Variants in ATRNL1 observed in about 807,000 individuals in gnomAD.
The protein encoded by ATRNL1 is attractin-like protein 1.
Under a neutral mutation model 182.7 loss-of-function variants are expected in ATRNL1, and 95 were observed. That is an observed-to-expected ratio of 0.52 (90% CI 0.44 to 0.62). The LOEUF (loss-of-function observed/expected upper bound fraction) is 0.62, where lower values mean the gene tolerates loss of function less well. ATRNL1 is among the 20% of genes least tolerant of loss of function. The pLI is 0.00. For synonymous variants in ATRNL1, 576 were observed against 568.3 expected, an observed-to-expected ratio of 1.01 and a Z score of -0.19; for missense variants, 1,471 against 1,679.5, an observed-to-expected ratio of 0.88 and a Z score of 2.17.
intron 26 of ATRNL1, among the ~76,000 whole-genome samples, chr10:115,692,244 A>G (rs1487533286): frequency 6.6e-6 from 1 of 152,202 alleles, no homozygotes; most frequent in Non-Finnish European, 1.5e-5. Context: ...TGTGAAGCTA[A>G]TAGGTGCCTG....
chr10:115,569,703 A>T (rs1216215341), intron 26 of ATRNL1, among the ~76,000 whole-genome samples: 1 of 151,826 alleles, frequency 6.6e-6, no homozygotes, highest in Non-Finnish European at 1.5e-5. Context: ...TTTAACCTTG[A>T]GTAGGATAAC....
At chr10:115,624,399 A>T (rs1164113001) in intron 26 of ATRNL1, among the ~76,000 whole-genome samples, 1 of 152,186 alleles carries the variant, frequency 6.6e-6, no homozygotes, top group African/African-American at 2.4e-5. Flanking sequence ...AGTCAGCAAT[A>T]AACATATATG....
intron 1 of ATRNL1, among the ~76,000 whole-genome samples, chr10:115,116,475 T>A (rs1438298371): frequency 6.6e-6 from 1 of 152,000 alleles, no homozygotes; most frequent in African/African-American, 2.4e-5. Context: ...TAGGTGTTTA[T>A]GGTTAGAGTA....
intron 27 of ATRNL1, among the ~76,000 whole-genome samples, chr10:115,807,994 G>A (rs1949961268): frequency 6.6e-6 from 1 of 152,144 alleles, no homozygotes; most frequent in Non-Finnish European, 1.5e-5. Context: ...TTCTTTTTGT[G>A]TGTATGTGAA....
intron 27 of ATRNL1, among the ~76,000 whole-genome samples, chr10:115,847,439 C>A (rs1950954806): frequency 6.6e-6 from 1 of 152,036 alleles, no homozygotes; most frequent in Non-Finnish European, 1.5e-5. Flanking sequence ...GTAATTATTT[C>A]ACTATGTATA....
intron 5 of ATRNL1, among the ~76,000 whole-genome samples, chr10:115,149,378 T>A (rs116211164): frequency 0.025 from 3,780 of 152,238 alleles, 157 homozygotes; most frequent in African/African-American, 0.086. Context: ...GCTGTTTTTT[T>A]TTAAAAGGAA....
chr10:115,383,578 A>G (rs1012977785), intron 19 of ATRNL1, among the ~76,000 whole-genome samples: 18 of 151,948 alleles, frequency 1.2e-4, no homozygotes, highest in Non-Finnish European at 7.4e-5. Context: ...CAGTTGTGCT[A>G]TTGGCATAAG....
chr10:115,296,330 A>T (rs1332374663), intron 15 of ATRNL1, among the ~76,000 whole-genome samples: 2 of 152,106 alleles, frequency 1.3e-5, no homozygotes, highest in African/African-American at 4.8e-5. Context: ...TCGACACTCC[A>T]GTCAAAGCAT....
intron 28 of ATRNL1, among the ~76,000 whole-genome samples, chr10:115,871,164 C>G (rs1337525082): frequency 6.6e-6 from 1 of 151,862 alleles, no homozygotes; most frequent in East Asian, 1.9e-4. Flanking sequence ...TTTTGGATCT[C>G]TCAGACATAT....
At chr10:115,094,141 C>T (rs1464606109) in intron 1 of ATRNL1, 98 bp downstream of exon 1, 6 of 1,183,480 alleles carry the variant, frequency 5.1e-6, no homozygotes, top group Non-Finnish European at 6.5e-6. Flanking sequence ...CCGTCGCTGC[C>T]TCTGATCCCC....
chr10:115,623,236 G>A (rs1172014317), intron 26 of ATRNL1, among the ~76,000 whole-genome samples: 1 of 152,118 alleles, frequency 6.6e-6, no homozygotes, highest in Non-Finnish European at 1.5e-5. Context: ...AACTATATAT[G>A]ACACCGAAAA....
intron 22 of ATRNL1, among the ~76,000 whole-genome samples, chr10:115,463,173 A>G (rs1240659900): frequency 6.6e-6 from 1 of 151,924 alleles, no homozygotes; most frequent in Non-Finnish European, 1.5e-5. Context: ...AACGTAGTTC[A>G]CTGGACTTGC....
chr10:115,715,498 A>T (rs1555055999), intron 26 of ATRNL1, among the ~76,000 whole-genome samples: 1 of 152,138 alleles, frequency 6.6e-6, no homozygotes, highest in East Asian at 1.9e-4. Flanking sequence ...TATGATTTTT[A>T]TTGAATTACT....
chr10:115,198,804 T>A (rs1554891653), intron 8 of ATRNL1, among the ~76,000 whole-genome samples: 1 of 152,178 alleles, frequency 6.6e-6, no homozygotes, highest in East Asian at 1.9e-4. Context: ...CATCAAAAGT[T>A]AATTGACTAT....
At chr10:115,652,038 A>G (rs993602946) in intron 26 of ATRNL1, among the ~76,000 whole-genome samples, 2 of 152,126 alleles carry the variant, frequency 1.3e-5, no homozygotes, top group African/African-American at 4.8e-5. Flanking sequence ...ACATTAAATG[A>G]CCATTTTGTT....
chr10:115,384,968 A>C (rs1013997458), intron 19 of ATRNL1, among the ~76,000 whole-genome samples: 3 of 151,090 alleles, frequency 2.0e-5, no homozygotes, highest in Admixed American at 2.0e-4. Flanking sequence ...TAATATTGTT[A>C]CTTACAATAT....
chr10:115,406,731 C>A (rs536942504), intron 20 of ATRNL1, among the ~76,000 whole-genome samples: 2 of 152,188 alleles, frequency 1.3e-5, no homozygotes, highest in East Asian at 3.9e-4. Flanking sequence ...TCTCCTTAAT[C>A]ATTTTTAGTA....
intron 11 of ATRNL1, 24 bp from the exon 12 acceptor site, chr10:115,266,773 A>C: frequency 7.0e-7 from 1 of 1,429,066 alleles, no homozygotes; most frequent in Non-Finnish European, 9.6e-7. Flanking sequence ...CGTTTCTTTA[A>C]GATTCTTGTT....
chr10:115,302,233 GTATCT>G (rs1377096787), intron 17 of ATRNL1, among the ~76,000 whole-genome samples, 190 bp downstream of exon 17: 2 of 152,110 alleles, frequency 1.3e-5, no homozygotes, highest in African/African-American at 4.8e-5. Context: ...ATGCCACTAA[GTATCT>G]TACCCTAAAT....
Sources: allele counts gnomAD v4.1 joint callset (sites outside exome capture counted in the v4.1 genomes callset), GRCh38; gene constraint gnomAD v4.1.1; transcripts MANE v1.5; gene names NCBI Gene and HGNC (gene_info 2026-07-23, HGNC 2026-07-21).